Variants in HMOX2 observed in about 807,000 individuals in gnomAD.
HMOX2 encodes heme oxygenase 2, also known as heme oxygenase (decycling) 2.
In HMOX2, 30 loss-of-function variants were observed where a neutral mutation model predicts 33.7. That is an observed-to-expected ratio of 0.89 (90% CI 0.67 to 1.21). HMOX2 has a LOEUF of 1.21. Ranked by LOEUF, HMOX2 falls within the 50% of genes most tolerant of loss-of-function variation. HMOX2 has a pLI of 0.00. For synonymous variants in HMOX2, 155 were observed against 155.0 expected (o/e 1.00, Z 0.00); for missense variants, 403 against 399.1 (o/e 1.01, Z -0.08).
At chr16:4,483,321 G>A (rs1001219188) in intron 1 of HMOX2, among the ~76,000 whole-genome samples, 1 of 151,808 alleles carries the variant, frequency 6.6e-6, no homozygotes, top group African/African-American at 2.4e-5. Context: ...TGAGGTTAAG[G>A]GGGTAGGGCT....
Position 4,479,726 on chromosome 16 carries a change from A to ATTT in HMOX2, c.-42+3269_-42+3271dup, listed in dbSNP as rs58936845. Reference sequence around the variant, plus strand: ...ACCCAGCCTGCCTTTTTCTTATTCTATTTTTTTTTTTTTTTTTTTTTTTTT... The same window carrying ATTT: ...ACCCAGCCTGCCTTTTTCTTATTCTATTTTTTTTTTTTTTTTTTTTTTTTTTTT... On this transcript the variant is annotated intron_variant, in intron 1 of 5. Transcript: ENST00000570646. 2.8e-3 allele frequency among the ~76,000 whole-genome samples: 222 copies of ATTT among 79,836 alleles called. 6 individuals are homozygous for ATTT. Among genetic ancestry groups the ATTT allele is most frequent in the African/African-American group, 3.1e-3 (61 of 19,402 alleles). 52.4% of individuals were successfully genotyped at this position (79,836 alleles called of 152,430 possible).
chr16:4,507,578 T>C, intron 3 of HMOX2, 135 bp from the exon 4 acceptor site: 1 of 861,430 alleles, frequency 1.2e-6, no homozygotes. Context: ...CCTTGTGTGT[T>C]AAATAATTCA....
At chr16:4,482,957 G>C (rs2058067784) in intron 1 of HMOX2, among the ~76,000 whole-genome samples, 1 of 152,016 alleles carries the variant, frequency 6.6e-6, no homozygotes, top group Admixed American at 6.6e-5. Context: ...TTGGACCCTG[G>C]GGGCAGATGT....
upstream of HMOX2, chr16:4,476,327 A>G (rs578008080): frequency 1.3e-5 from 2 of 152,402 alleles, no homozygotes; most frequent in South Asian, 2.1e-4. Context: ...CGTGTCAGCT[A>G]CAAGGGGCGT....
rs964559131 is a variant in HMOX2 at position 4,499,605 on chromosome 16, T to A, written c.-41-5879T>A. Among the ~76,000 whole-genome samples, 9 of 152,210 alleles carry A rather than the reference T, an allele frequency of 5.9e-5. No individual in the cohort carries two copies. In the South Asian group the frequency reaches 1.7e-3, roughly 28 times the overall value. On this transcript the variant is annotated intron_variant, in intron 1 of 5. Transcript: ENST00000570646. ...ATGATCTGCCTTACAGCATGGTGACTATAGTTAATATGGTTAATATTATAA... is the reference window on the plus strand; with the variant it reads ...ATGATCTGCCTTACAGCATGGTGACAATAGTTAATATGGTTAATATTATAA...
chr16:4,485,482 G>A (rs1391085023), intron 1 of HMOX2, among the ~76,000 whole-genome samples: 1 of 152,142 alleles, frequency 6.6e-6, no homozygotes, highest in Non-Finnish European at 1.5e-5. Context: ...ACTTTGTAAG[G>A]TTTATGAGAG....
At chr16:4,497,409 T>G (rs947473089) in intron 1 of HMOX2, among the ~76,000 whole-genome samples, 2 of 152,144 alleles carry the variant, frequency 1.3e-5, no homozygotes, top group African/African-American at 4.8e-5. Flanking sequence ...ACTTCACCCC[T>G]CCCGCTCCTG....
chr16:4,487,666 G>A (rs992278417), intron 1 of HMOX2, among the ~76,000 whole-genome samples: 3 of 152,102 alleles, frequency 2.0e-5, no homozygotes, highest in African/African-American at 7.2e-5. Flanking sequence ...TGGGCGTGGT[G>A]GCTGGCGCCT....
intron 1 of HMOX2, among the ~76,000 whole-genome samples, chr16:4,497,655 C>G (rs1388018677): frequency 1.3e-5 from 2 of 152,146 alleles, no homozygotes; most frequent in African/African-American, 4.8e-5. Flanking sequence ...ACTGCTTGCT[C>G]AGTTGTATTT....
chr16:4,504,354 ATT>A (rs34314976), intron 1 of HMOX2, among the ~76,000 whole-genome samples: 1,280 of 72,930 alleles, frequency 0.018, 19 homozygotes, highest in African/African-American at 0.051. Flanking sequence ...GTAACTTTCA[ATT>A]TTTTTTTTTT....
chr16:4,488,930 A>G (rs992457873), intron 1 of HMOX2, among the ~76,000 whole-genome samples: 1 of 151,708 alleles, frequency 6.6e-6, no homozygotes, highest in Non-Finnish European at 1.5e-5. Flanking sequence ...GGCTCAAGCA[A>G]TCCTCCTGCC....
intron 2 of HMOX2, 150 bp from the exon 3 acceptor site, chr16:4,506,745 A>G: frequency 1.5e-6 from 1 of 656,114 alleles, no homozygotes. Context: ...AGTTGCTGCT[A>G]TTTGTGTTGG....
chr16:4,501,453 G>A (rs1384815906), intron 1 of HMOX2, among the ~76,000 whole-genome samples: 1 of 152,190 alleles, frequency 6.6e-6, no homozygotes, highest in East Asian at 1.9e-4. Context: ...TTCTTAGGCT[G>A]TGTGTTGTTT....
rs1469063084 is a variant in HMOX2, at chr16:4,505,575, G to T, written c.51G>T (p.Lys17Asn). 3 of 1,603,252 alleles carry T rather than the reference G, an allele frequency of 1.9e-6. No homozygotes were observed. The highest frequency in any genetic ancestry group is 2.7e-5 in the African/African-American group (2 of 74,562). ...AGGGGGTAGACGAGTCAGAAAAAAA[G>T]AACTCTGGGGCCCTAGAAAAGGAGA... is the stretch of plus-strand genomic sequence containing the variant. ...TSEGVDESEK[K>N]NSGALEKENQ... is the part of the protein sequence containing the mutation. Residue 17 changes from lysine to asparagine, a missense_variant, in exon 2 of 6, where the codon AAG (lysine) becomes AAT (asparagine). Lys to Asn is a moderately conservative substitution (Grantham distance 94, BLOSUM62 0). Transcript: ENST00000570646.
intron 1 of HMOX2, among the ~76,000 whole-genome samples, chr16:4,485,879 A>T (rs140009662): frequency 2.6e-5 from 4 of 151,848 alleles, no homozygotes; most frequent in African/African-American, 4.8e-5. Context: ...ACCTGCCACC[A>T]CGCCCGGCTA....
intron 1 of HMOX2, among the ~76,000 whole-genome samples, chr16:4,476,919 G>GT (rs2057865580): frequency 6.6e-6 from 1 of 152,180 alleles, no homozygotes. Context: ...CGGCTTGGCT[G>GT]TTTCCCGGGC....
chr16:4,495,539 G>T (rs964425010), intron 1 of HMOX2: 2 of 152,158 alleles, frequency 1.3e-5, no homozygotes, highest in Admixed American at 1.3e-4. Context: ...CTGTGGAAAC[G>T]TGTAAAGATA....
chr16:4,490,109 C>T (rs966723176), intron 1 of HMOX2, among the ~76,000 whole-genome samples: 1 of 152,142 alleles, frequency 6.6e-6, no homozygotes, highest in Non-Finnish European at 1.5e-5. Flanking sequence ...ATACACATAC[C>T]ATAACGAGAT....
At chr16:4,494,363 C>G (rs1483629099) in intron 1 of HMOX2, among the ~76,000 whole-genome samples, 1 of 151,438 alleles carries the variant, frequency 6.6e-6, no homozygotes, top group Non-Finnish European at 1.5e-5. Flanking sequence ...AACACATTGA[C>G]TGGGCAGGGT....
Sources: gnomAD v4.1 joint callset for allele counts (sites outside exome capture counted in the v4.1 genomes callset) on GRCh38, gnomAD v4.1.1 for gene constraint, MANE v1.5 for transcripts, NCBI Gene and HGNC (gene_info 2026-07-23, HGNC 2026-07-21) for gene names.